Variants in PAK1 observed in about 807,000 individuals in gnomAD.
The protein encoded by PAK1 is serine/threonine-protein kinase PAK 1.
Under a neutral mutation model 67.4 loss-of-function variants are expected in PAK1, and 29 were observed. The observed-to-expected ratio is 0.43, with a 90% CI of 0.32 to 0.59. PAK1 has a LOEUF of 0.59. Among genes scored for constraint, PAK1 ranks in the 20% least tolerant of loss-of-function variants. PAK1 has a pLI of 0.07. For missense variants in PAK1, 337 were observed against 670.7 expected (o/e 0.50, Z 5.50); for synonymous variants, 223 against 237.4 (o/e 0.94, Z 0.56).
intron 1 of PAK1, among the ~76,000 whole-genome samples, chr11:77,407,789 C>A (rs1312884101): frequency 6.6e-6 from 1 of 152,152 alleles, no homozygotes; most frequent in Non-Finnish European, 1.5e-5. Context: ...AGAGAGGGAG[C>A]TCAGCATATA....
At chr11:77,516,438 AAGGGTTGTT>A in the PAK1 span, among the ~76,000 whole-genome samples, 1 of 152,156 alleles carries the variant, frequency 6.6e-6, no homozygotes, top group African/African-American at 2.4e-5. Context: ...ACCTATCTCA[AAGGGTTGTT>A]ATCAGAGTTA....
rs138460019 is a variant in PAK1, at chr11:77,322,831, AAT to A, written c.*441_*442del. 8,089 of 435,864 alleles carry A rather than the reference AAT, an allele frequency of 0.019. 586 individuals are homozygous for A. Among genetic ancestry groups the A allele is most frequent in the African/African-American group, 0.14 (7,311 of 50,630 alleles). The allele number at this position is 435,864 out of a possible 1,614,324, so 27.0% of individuals were successfully genotyped here. ...CCAAGCTGTTCCAGTTTTCAAGTAC[AAT>A]GAGGTGTCTGGGCAGTTGAGTCACA... On this transcript the variant is annotated 3_prime_UTR_variant, in exon 15 of 15. Coordinates refer to ENST00000356341, the MANE Select transcript of PAK1 (RefSeq NM_002576.5).
At chr11:77,327,869 T>G (rs1385333500) in intron 14 of PAK1, among the ~76,000 whole-genome samples, 1 of 152,144 alleles carries the variant, frequency 6.6e-6, no homozygotes, top group Non-Finnish European at 1.5e-5. Flanking sequence ...GACTCATCAG[T>G]GTGCTGTATT....
At chr11:77,489,572 C>T in the PAK1 span, among the ~76,000 whole-genome samples, 1 of 152,122 alleles carries the variant, frequency 6.6e-6, no homozygotes, top group Non-Finnish European at 1.5e-5. Flanking sequence ...CCTCGGCCTG[C>T]GGAGTGCCTG....
At position 77,408,993 on chromosome 11, in the gene PAK1, G is replaced by A. The variant is rs534397438; in HGVS notation, c.-21-16452C>T. Among the ~76,000 whole-genome samples, 19 of 152,234 alleles carry A rather than the reference G, an allele frequency of 1.2e-4. No individual in the cohort carries two copies. In the South Asian group the frequency reaches 3.3e-3, roughly 27 times the overall value. On this transcript the variant is annotated intron_variant, in intron 1 of 14. Transcript: ENST00000356341. ...AAAAAGACAGGCAAAGGCTGGGCAC[G>A]ATGGCTCATGCCTGTAATCCCAACA...
chr11:77,332,195 C>T (rs565444826), intron 14 of PAK1, among the ~76,000 whole-genome samples: 10 of 147,924 alleles, frequency 6.8e-5, no homozygotes, highest in African/African-American at 2.5e-4. Flanking sequence ...GTAGTCTGAG[C>T]TACCTGGGAG....
At chr11:77,397,443 A>G (rs1267331589) in intron 1 of PAK1, among the ~76,000 whole-genome samples, 1 of 152,192 alleles carries the variant, frequency 6.6e-6, no homozygotes, top group Non-Finnish European at 1.5e-5. Flanking sequence ...CCCATCACCT[A>G]TGACCTGTAA....
chr11:77,485,446 T>C, the PAK1 span, among the ~76,000 whole-genome samples: 1 of 151,750 alleles, frequency 6.6e-6, no homozygotes, highest in Non-Finnish European at 1.5e-5. Context: ...TGTATATACC[T>C]ACTATATACC....
At chr11:77,388,377 G>A (rs761692787) in intron 2 of PAK1, among the ~76,000 whole-genome samples, 4 of 152,014 alleles carry the variant, frequency 2.6e-5, no homozygotes, top group Non-Finnish European at 2.9e-5. Context: ...TTTTTGAGAC[G>A]GAGTCTCGCT....
At chr11:77,353,214 C>T in intron 8 of PAK1, 2 of 255,474 alleles carry the variant, frequency 7.8e-6, no homozygotes, top group Non-Finnish European at 1.5e-5. Flanking sequence ...TGGTGGATCT[C>T]AGCACTAGGA....
chr11:77,404,005 C>T (rs1415510551), intron 1 of PAK1, among the ~76,000 whole-genome samples: 2 of 152,186 alleles, frequency 1.3e-5, no homozygotes, highest in Non-Finnish European at 2.9e-5. Context: ...CCTTGTTACT[C>T]TTGCTCTCTT....
chr11:77,414,582 C>CA (rs1197377182), intron 1 of PAK1, among the ~76,000 whole-genome samples: 1 of 152,034 alleles, frequency 6.6e-6, no homozygotes, highest in East Asian at 1.9e-4. Context: ...GTAAATAGCC[C>CA]AAAATAGACC....
chr11:77,422,856 T>G (rs1439870469), intron 1 of PAK1, among the ~76,000 whole-genome samples: 3 of 152,130 alleles, frequency 2.0e-5, no homozygotes, highest in Non-Finnish European at 4.4e-5. Flanking sequence ...TTTCTGGAGC[T>G]ACAGTAGCCT....
At chr11:77,482,146 G>A in the PAK1 span, among the ~76,000 whole-genome samples, 3 of 151,788 alleles carry the variant, frequency 2.0e-5, no homozygotes, top group African/African-American at 4.8e-5. Flanking sequence ...ACCCCACCAC[G>A]CCCAGTTAAT....
At chr11:77,407,075 A>G (rs1953698925) in intron 1 of PAK1, among the ~76,000 whole-genome samples, 1 of 152,186 alleles carries the variant, frequency 6.6e-6, no homozygotes, top group Admixed American at 6.5e-5. Context: ...TAAGCTTTAT[A>G]ATAACCCTTC....
At chr11:77,505,281 G>A in the PAK1 span, among the ~76,000 whole-genome samples, 7 of 151,858 alleles carry the variant, frequency 4.6e-5, 1 homozygote, top group African/African-American at 9.7e-5. Context: ...GCCACCTCCC[G>A]GGTTCAAGCG....
At chr11:77,369,421 T>A (rs1189750710) in intron 5 of PAK1, among the ~76,000 whole-genome samples, 1 of 150,728 alleles carries the variant, frequency 6.6e-6, no homozygotes, top group Non-Finnish European at 1.5e-5. Flanking sequence ...TATATGCATT[T>A]GTTGTTTAAA....
At chr11:77,494,897 C>T in the PAK1 span, among the ~76,000 whole-genome samples, 1 of 151,598 alleles carries the variant, frequency 6.6e-6, no homozygotes, top group Non-Finnish European at 1.5e-5. Flanking sequence ...GGCGCGGTGG[C>T]TCACATCTGT....
chr11:77,519,905 AG>A, the PAK1 span, among the ~76,000 whole-genome samples: 1 of 152,216 alleles, frequency 6.6e-6, no homozygotes, highest in East Asian at 1.9e-4. Flanking sequence ...GACTCAACAA[AG>A]CAAGATGGAG....
Sources: gnomAD v4.1 joint callset for allele counts (sites outside exome capture counted in the v4.1 genomes callset) on GRCh38, gnomAD v4.1.1 for gene constraint, MANE v1.5 for transcripts, NCBI Gene and HGNC (gene_info 2026-07-23, HGNC 2026-07-21) for gene names.